SLC8A1: variants seen among roughly 807,000 people sequenced by gnomAD.
SLC8A1 encodes solute carrier family 8 member A1, also known as sodium/calcium exchanger 1.
A neutral mutation model predicts 68.3 loss-of-function variants in SLC8A1; 18 were observed. The ratio of observed to expected loss-of-function variants is 0.26; its 90% CI spans 0.18 to 0.39. The LOEUF (loss-of-function observed/expected upper bound fraction) is 0.39. SLC8A1 is among the 10% of genes least tolerant of loss of function. The pLI, the probability that SLC8A1 is intolerant of heterozygous loss-of-function variation, is 1.00. For synonymous variants in SLC8A1, 475 were observed against 415.5 expected, an observed-to-expected ratio of 1.14 and a Z score of -1.74; for missense variants, 985 against 1,156.7, an observed-to-expected ratio of 0.85 and a Z score of 2.15.
At chr2:40,271,841 G>A (rs966958281) in intron 2 of SLC8A1, among the ~76,000 whole-genome samples, 4 of 152,014 alleles carry the variant, frequency 2.6e-5, no homozygotes, top group South Asian at 2.1e-4. Context: ...TTTTACTGAT[G>A]ACCAAAGTTT....
intron 2 of SLC8A1, among the ~76,000 whole-genome samples, chr2:40,252,142 T>G (rs781165647): frequency 1.3e-5 from 2 of 152,160 alleles, no homozygotes; most frequent in African/African-American, 4.8e-5. Context: ...TTCTATAATG[T>G]GGTTGTATGA....
intron 1 of SLC8A1, among the ~76,000 whole-genome samples, chr2:40,437,370 C>A (rs1419392533): frequency 6.6e-6 from 1 of 152,076 alleles, no homozygotes; most frequent in Non-Finnish European, 1.5e-5. Flanking sequence ...TGATGCCTTC[C>A]CACTCCCCAA....
chr2:40,207,870 G>T (rs767229019), intron 2 of SLC8A1, among the ~76,000 whole-genome samples: 2 of 152,046 alleles, frequency 1.3e-5, no homozygotes, highest in Non-Finnish European at 2.9e-5. Context: ...GTTTTACTTA[G>T]AGTGTTTTCT....
chr2:40,450,290 T>G lies in SLC8A1; in HGVS notation c.-25+1614A>C, dbSNP rs1040632433. 2.6e-5 allele frequency among the ~76,000 whole-genome samples: 4 copies of G among 152,258 alleles called. No individual in the cohort carries two copies. The East Asian group carries it at 7.7e-4, about 29-fold the overall frequency. On this transcript the variant is annotated intron_variant, in intron 1 of 7. Transcript: ENST00000406785. ...AAATGAATGAAACATCTAGATTCATTTTCCTTTTTTTTTCTGACTCGCTGC... is the reference window on the plus strand; with the variant it reads ...AAATGAATGAAACATCTAGATTCATGTTCCTTTTTTTTTCTGACTCGCTGC...
intron 2 of SLC8A1, among the ~76,000 whole-genome samples, chr2:40,357,421 C>G (rs1488631746): frequency 6.7e-6 from 1 of 148,410 alleles, no homozygotes; most frequent in African/African-American, 2.5e-5. Context: ...TGCTTGAGCC[C>G]AGGAGGTCAA....
chr2:40,273,348 T>C (rs12712688), intron 2 of SLC8A1, among the ~76,000 whole-genome samples: 69,610 of 151,682 alleles, frequency 0.46, 17,357 homozygotes, highest in East Asian at 0.73. Context: ...CCGCCTCGGC[T>C]TCCCAAAGCG....
chr2:40,199,804 G>T (rs1266123715), intron 2 of SLC8A1, among the ~76,000 whole-genome samples: 1 of 151,490 alleles, frequency 6.6e-6, no homozygotes. Context: ...TTAGGCTCTT[G>T]TTCTTAGTTT....
chr2:40,191,485 C>G (rs1157340350), intron 2 of SLC8A1, among the ~76,000 whole-genome samples: 1 of 152,166 alleles, frequency 6.6e-6, no homozygotes, highest in Non-Finnish European at 1.5e-5. Context: ...TTAACCAAAA[C>G]CAGAACAGAC....
rs1272716359 is a variant in SLC8A1, at chr2:40,321,051, A to G, written c.1808+107422T>C. The stretch of plus-strand genomic sequence containing the variant: ...GTAAACTCCCTGAATTGGGAGCTAA[A>G]AACCCTTTGTTCGATTTGGCTCTGT... On this transcript the variant is annotated intron_variant, in intron 2 of 7. Coordinates refer to ENST00000406785, the Ensembl canonical transcript of SLC8A1. 2.0e-5 allele frequency among the ~76,000 whole-genome samples: 3 copies of G among 152,132 alleles called. No homozygotes were observed. In the East Asian group the frequency reaches 5.8e-4, roughly 29 times the overall value.
chr2:40,311,402 A>AAAAT (rs1235652212), intron 2 of SLC8A1, among the ~76,000 whole-genome samples: 30 of 151,096 alleles, frequency 2.0e-4, no homozygotes, highest in African/African-American at 7.3e-4. Flanking sequence ...ATAAATTTTA[A>AAAAT]AAATAGCCTT....
At chr2:40,275,153 T>G (rs2066536410) in intron 2 of SLC8A1, among the ~76,000 whole-genome samples, 1 of 152,224 alleles carries the variant, frequency 6.6e-6, no homozygotes, top group Non-Finnish European at 1.5e-5. Flanking sequence ...TTGAAGCTGT[T>G]GTATTGCAGT....
intron 7 of SLC8A1, among the ~76,000 whole-genome samples, chr2:40,129,369 A>G (rs2038851164): frequency 1.3e-5 from 2 of 150,706 alleles, no homozygotes; most frequent in Admixed American, 1.3e-4. Context: ...TAGCTGGGAC[A>G]ACAGGTGCAT....
At chr2:40,498,136 T>G (rs376884048) in intron 1 of SLC8A1, among the ~76,000 whole-genome samples, 92 of 152,116 alleles carry the variant, frequency 6.0e-4, no homozygotes, top group African/African-American at 2.2e-3. Context: ...GTCAGTCAGG[T>G]GGATAGTAAA....
chr2:40,122,236 G>GCACACACACA (rs56977522), intron 7 of SLC8A1, among the ~76,000 whole-genome samples: 5 of 149,498 alleles, frequency 3.3e-5, no homozygotes, highest in African/African-American at 9.9e-5. Context: ...GTGTGCGCGC[G>GCACACACACA]CACACACACA....
At chr2:40,370,789 T>C (rs1330393247) in intron 2 of SLC8A1, among the ~76,000 whole-genome samples, 1 of 152,098 alleles carries the variant, frequency 6.6e-6, no homozygotes, top group Non-Finnish European at 1.5e-5. Flanking sequence ...TTCTTACTTA[T>C]CAGCATTACT....
At chr2:40,127,240 T>C (rs1240585419) in intron 7 of SLC8A1, among the ~76,000 whole-genome samples, 2 of 152,214 alleles carry the variant, frequency 1.3e-5, no homozygotes, top group Admixed American at 6.5e-5. Flanking sequence ...GAGAGCTTAA[T>C]CTTTACTCTC....
chr2:40,191,239 A>T (rs565655013), intron 2 of SLC8A1, among the ~76,000 whole-genome samples: 1 of 152,290 alleles, frequency 6.6e-6, no homozygotes, highest in African/African-American at 2.4e-5. Context: ...TGCAAGGTCC[A>T]GTGATGTACC....
chr2:40,163,430 A>G (rs367578833), intron 5 of SLC8A1, among the ~76,000 whole-genome samples: 1 of 152,338 alleles, frequency 6.6e-6, no homozygotes, highest in East Asian at 1.9e-4. Context: ...TCTCTGCTAC[A>G]GAAAATGGCA....
At chr2:40,472,134 T>G (rs1377813909) in intron 1 of SLC8A1, among the ~76,000 whole-genome samples, 1 of 152,180 alleles carries the variant, frequency 6.6e-6, no homozygotes, top group Non-Finnish European at 1.5e-5. Flanking sequence ...CCTTCTGACT[T>G]TCATATAAGA....
Sources: allele counts gnomAD v4.1 joint callset (sites outside exome capture counted in the v4.1 genomes callset), GRCh38; gene constraint gnomAD v4.1.1; transcripts MANE v1.5; gene names NCBI Gene and HGNC (gene_info 2026-07-23, HGNC 2026-07-21).